Variants in SUPT3H observed in about 807,000 individuals in gnomAD.
SUPT3H encodes SPT3 homolog, SAGA and STAGA complex component.
SUPT3H carries 44 observed loss-of-function variants against 44.3 expected under a neutral mutation model. That is an observed-to-expected ratio of 0.99 (90% confidence interval 0.78 to 1.28). The LOEUF (loss-of-function observed/expected upper bound fraction) is 1.28, where lower values mean the gene tolerates loss of function less well. Ranked by LOEUF, SUPT3H falls within the 50% of genes most tolerant of loss-of-function variation. The pLI is 0.00. For missense variants in SUPT3H, 380 were observed against 387.1 expected, an observed-to-expected ratio of 0.98 and a Z score of 0.15; for synonymous variants, 124 against 125.6, an observed-to-expected ratio of 0.99 and a Z score of 0.09.
At chr6:44,967,018 T>C (rs768973448) in intron 6 of SUPT3H, among the ~76,000 whole-genome samples, 6 of 152,224 alleles carry the variant, frequency 3.9e-5, no homozygotes, top group Non-Finnish European at 7.3e-5. Context: ...CCCTGGTTTC[T>C]TTAGGTGTCA....
At chr6:45,005,816 A>G (rs1455309003) in intron 5 of SUPT3H, among the ~76,000 whole-genome samples, 1 of 152,046 alleles carries the variant, frequency 6.6e-6, no homozygotes, top group Non-Finnish European at 1.5e-5. Flanking sequence ...ATCCTATCAG[A>G]TATCTATTCT....
intron 2 of SUPT3H, chr6:45,159,033 T>C (rs1011662924): frequency 5.3e-5 from 8 of 152,224 alleles, no homozygotes; most frequent in African/African-American, 7.2e-5. Flanking sequence ...GGATGACCTA[T>C]GCAGTTGTGT....
At chr6:44,931,451 T>A (rs1196215942) in intron 10 of SUPT3H, among the ~76,000 whole-genome samples, 1 of 152,176 alleles carries the variant, frequency 6.6e-6, no homozygotes, top group South Asian at 2.1e-4. Flanking sequence ...TAATTTTTCA[T>A]GTTCATCTTC....
chr6:45,113,158 A>T (rs918900004), intron 2 of SUPT3H, among the ~76,000 whole-genome samples: 1 of 151,548 alleles, frequency 6.6e-6, no homozygotes, highest in African/African-American at 2.4e-5. Flanking sequence ...TAGACTAGGT[A>T]TTACTATAAT....
At chr6:44,869,265 T>A (rs563066375) in intron 10 of SUPT3H, among the ~76,000 whole-genome samples, 141 of 152,234 alleles carry the variant, frequency 9.3e-4, no homozygotes, top group African/African-American at 3.3e-3. Context: ...CCCCAAAGGC[T>A]GTGACAATAC....
chr6:45,305,684 A>G (rs150230637), intron 2 of SUPT3H, among the ~76,000 whole-genome samples: 230 of 152,346 alleles, frequency 1.5e-3, no homozygotes, highest in African/African-American at 5.3e-3. Flanking sequence ...TCCTTGCCTT[A>G]AAAATCCAAT....
At position 44,970,981 on chromosome 6, in the gene SUPT3H, T is replaced by C. The variant is rs536276889; in HGVS notation, c.505-9153A>G. On this transcript the variant is annotated intron_variant, in intron 6 of 10. Coordinates refer to ENST00000371459, the MANE Select transcript of SUPT3H (RefSeq NM_003599.4). ...AGTCTAGCATCTTTAAGGTAAAATC[T>C]TGTGAAAAGGGAAGCCTGTCAGTGC... 9.2e-5 allele frequency among the ~76,000 whole-genome samples: 14 copies of C among 152,284 alleles called. No homozygotes were observed. In the East Asian group the frequency reaches 2.7e-3, roughly 29 times the overall value.
At chr6:45,290,403 C>T (rs1309946388) in intron 2 of SUPT3H, among the ~76,000 whole-genome samples, 1 of 144,140 alleles carries the variant, frequency 6.9e-6, no homozygotes, top group Non-Finnish European at 1.5e-5. Context: ...CTGAACTGCA[C>T]TGTCATAGGA....
chr6:45,072,230 ACACCAACTATTT>A (rs2153553501), intron 3 of SUPT3H, among the ~76,000 whole-genome samples: 1 of 152,326 alleles, frequency 6.6e-6, no homozygotes, highest in Admixed American at 6.5e-5. Flanking sequence ...TAGGCAATAT[ACACCAACTATTT>A]CATCAAACCT....
chr6:44,895,900 C>T (rs1429132375), intron 10 of SUPT3H, among the ~76,000 whole-genome samples: 2 of 151,620 alleles, frequency 1.3e-5, no homozygotes, highest in Admixed American at 6.6e-5. Context: ...AAAAGTGAAG[C>T]GGTCACAAAT....
At chr6:45,323,190 A>T (rs542829029) in intron 2 of SUPT3H, among the ~76,000 whole-genome samples, 4 of 152,264 alleles carry the variant, frequency 2.6e-5, no homozygotes, top group East Asian at 3.9e-4. Flanking sequence ...ACTTGTATAC[A>T]TTGGTTATCA....
chr6:44,836,718 T>C (rs942190395), intron 10 of SUPT3H, among the ~76,000 whole-genome samples: 6 of 152,226 alleles, frequency 3.9e-5, no homozygotes, highest in African/African-American at 7.2e-5. Flanking sequence ...AATTATGAGA[T>C]ATATTAAGAC....
chr6:44,846,537 G>A (rs964596803), intron 10 of SUPT3H, among the ~76,000 whole-genome samples: 5 of 152,162 alleles, frequency 3.3e-5, no homozygotes, highest in Non-Finnish European at 7.3e-5. Context: ...GTAAGACCAG[G>A]ATAGATGTCT....
At chr6:45,183,376 G>A (rs978398379) in intron 2 of SUPT3H, among the ~76,000 whole-genome samples, 9 of 152,134 alleles carry the variant, frequency 5.9e-5, no homozygotes, top group African/African-American at 1.7e-4. Context: ...GTGTTAGTCC[G>A]TCTTCACGAT....
At position 45,208,162 on chromosome 6, in the gene SUPT3H, G is replaced by A. The variant is rs917338293; in HGVS notation, c.102-102156C>T. Among the ~76,000 whole-genome samples the A allele has an allele frequency of 3.3e-5, 5 of 152,118 alleles. No homozygotes were observed. In the South Asian group the frequency reaches 6.2e-4, roughly 19 times the overall value. ...ATATGGAGAAAGTTTTAGTGGTCTG[G>A]GTAGATGATAATACCAGTTAGAACA... On this transcript the variant is annotated intron_variant, in intron 2 of 10. Coordinates refer to ENST00000371459, the MANE Select transcript of SUPT3H (RefSeq NM_003599.4).
chr6:45,222,506 A>C (rs897776893), intron 2 of SUPT3H, among the ~76,000 whole-genome samples: 1 of 152,174 alleles, frequency 6.6e-6, no homozygotes, highest in African/African-American at 2.4e-5. Context: ...CTACAGGACC[A>C]TCAGAATGGC....
chr6:45,215,689 T>C (rs539586035), intron 2 of SUPT3H, among the ~76,000 whole-genome samples: 5 of 152,170 alleles, frequency 3.3e-5, no homozygotes, highest in African/African-American at 1.2e-4. Context: ...ACAGAAATTA[T>C]GGGAAATTAT....
At chr6:44,989,202 G>A (rs1780258887) in intron 6 of SUPT3H, among the ~76,000 whole-genome samples, 1 of 152,046 alleles carries the variant, frequency 6.6e-6, no homozygotes, top group African/African-American at 2.4e-5. Flanking sequence ...TCACCCTTTG[G>A]TTACACTGCA....
chr6:44,983,336 TC>T (rs758522649), intron 6 of SUPT3H, among the ~76,000 whole-genome samples: 2 of 152,170 alleles, frequency 1.3e-5, no homozygotes, highest in Non-Finnish European at 2.9e-5. Context: ...AAGTGAGCCT[TC>T]AAAAATTTAC....
Sources: allele counts gnomAD v4.1 joint callset (sites outside exome capture counted in the v4.1 genomes callset), GRCh38; gene constraint gnomAD v4.1.1; transcripts MANE v1.5; gene names NCBI Gene and HGNC (gene_info 2026-07-23, HGNC 2026-07-21).